B3GLCT: variants seen among roughly 807,000 people sequenced by gnomAD.
B3GLCT encodes the protein beta 3-glucosyltransferase.
Under a neutral mutation model 63.4 loss-of-function variants are expected in B3GLCT, and 65 were observed. The ratio of observed to expected loss-of-function variants is 1.03; its 90% CI spans 0.84 to 1.26. The LOEUF (loss-of-function observed/expected upper bound fraction) is 1.26. Among genes scored for constraint, B3GLCT ranks in the 50% most tolerant of loss-of-function variants. The probability of loss-of-function intolerance (pLI) is 0.00; values close to 1 mark genes in which losing one functional copy is unlikely to be tolerated. For missense variants in B3GLCT, 577 were observed against 604.8 expected (o/e 0.95, Z 0.48); for synonymous variants, 233 against 219.2 (o/e 1.06, Z -0.55).
At chr13:31,274,706 T>A in intron 9 of B3GLCT, 78 bp downstream of exon 9, 1 of 1,557,566 alleles carries the variant, frequency 6.4e-7, no homozygotes, top group Non-Finnish European at 8.8e-7. Context: ...CCTAGCACTT[T>A]AAAATGAATT....
intron 1 of B3GLCT, among the ~76,000 whole-genome samples, chr13:31,201,366 G>A (rs1369249662): frequency 6.6e-6 from 1 of 152,196 alleles, no homozygotes; most frequent in African/African-American, 2.4e-5. Flanking sequence ...AGATTAGTTG[G>A]TAATTGTTTA....
chr13:31,260,196 G>A (rs566616352), intron 6 of B3GLCT, among the ~76,000 whole-genome samples: 40 of 151,992 alleles, frequency 2.6e-4, no homozygotes, highest in Non-Finnish European at 1.5e-4. Context: ...GTCCTTTGAC[G>A]GCTCTTCCTC....
chr13:31,222,043 C>A (rs7991474), intron 2 of B3GLCT, among the ~76,000 whole-genome samples: 26,263 of 151,052 alleles, frequency 0.17, 2,438 homozygotes, highest in Non-Finnish European at 0.19. Context: ...TGGAGCTCTC[C>A]AGCTCTTAAG....
chr13:31,312,920 C>T (rs1216866595), intron 12 of B3GLCT: 1 of 152,196 alleles, frequency 6.6e-6, no homozygotes, highest in East Asian at 1.9e-4. Context: ...CCTAGAGTCA[C>T]TTTGTGTGCC....
chr13:31,290,566 G>A (rs1416091010), intron 12 of B3GLCT, among the ~76,000 whole-genome samples: 1 of 152,196 alleles, frequency 6.6e-6, no homozygotes, highest in East Asian at 1.9e-4. Flanking sequence ...TAACTGGCGT[G>A]AGATGGTATC....
intron 14 of B3GLCT, among the ~76,000 whole-genome samples, chr13:31,324,578 C>T (rs1425836667): frequency 6.6e-6 from 1 of 152,156 alleles, no homozygotes; most frequent in East Asian, 1.9e-4. Flanking sequence ...AGCAGTTGTT[C>T]ACAAACTAAA....
chr13:31,271,503 T>A (rs1872574575), intron 8 of B3GLCT, among the ~76,000 whole-genome samples: 1 of 152,212 alleles, frequency 6.6e-6, no homozygotes, highest in Non-Finnish European at 1.5e-5. Flanking sequence ...TTTTTTTGAC[T>A]ATGACCCACT....
At chr13:31,316,954 A>G (rs1267195116) in intron 12 of B3GLCT, among the ~76,000 whole-genome samples, 1 of 152,176 alleles carries the variant, frequency 6.6e-6, no homozygotes, top group Non-Finnish European at 1.5e-5. Flanking sequence ...AAGGTATTCA[A>G]AAGTATAAGC....
Position 31,212,267 on chromosome 13 carries a change from CTTTT to C in B3GLCT, c.71-2762_71-2759del, listed in dbSNP as rs59719685. ...GACAGGCATGCTCTAGCATAACTGG[CTTTT>C]TTTTTTTTTTTTTTTTTTTTTAAGA... is the stretch of plus-strand genomic sequence containing the variant. On this transcript the variant is annotated intron_variant, in intron 1 of 14. Coordinates refer to ENST00000343307, the MANE Select transcript of B3GLCT (RefSeq NM_194318.4). Among the ~76,000 whole-genome samples, 17 of 91,640 alleles carry C rather than the reference CTTTT, an allele frequency of 1.9e-4. No homozygotes were observed. In the East Asian group the frequency reaches 3.8e-3, roughly 21 times the overall value. 60.1% of individuals were successfully genotyped at this position (91,640 alleles called of 152,430 possible). A position where few individuals can be genotyped will look rare whatever the true frequency, so the allele number is the denominator to read the frequency against.
chr13:31,245,255 G>A (rs1351973996), intron 4 of B3GLCT, among the ~76,000 whole-genome samples: 3 of 152,012 alleles, frequency 2.0e-5, no homozygotes, highest in Non-Finnish European at 2.9e-5. Flanking sequence ...TGAGGTTACC[G>A]TCAAGGTATC....
chr13:31,272,697 C>A (rs1054536284), intron 8 of B3GLCT, among the ~76,000 whole-genome samples: 1 of 152,118 alleles, frequency 6.6e-6, no homozygotes, highest in Non-Finnish European at 1.5e-5. Flanking sequence ...AATTTGAGGG[C>A]CTTAGGATAA....
At position 31,250,735 on chromosome 13, in the gene B3GLCT, C is replaced by A. The variant is rs552601423; in HGVS notation, c.459+2769C>A. Reference sequence around the variant, plus strand: ...AGTCAGAGACTTATAGATAAAACCTCCACCTCCCTGGGACAGAGAACCTGG... The same window carrying A: ...AGTCAGAGACTTATAGATAAAACCTACACCTCCCTGGGACAGAGAACCTGG... On this transcript the variant is annotated intron_variant, in intron 6 of 14. Coordinates refer to ENST00000343307, the MANE Select transcript of B3GLCT (RefSeq NM_194318.4). 1.9e-3 allele frequency among the ~76,000 whole-genome samples: 287 copies of A among 152,336 alleles called. 2 individuals carry two copies. Among genetic ancestry groups the A allele is most frequent in the Non-Finnish European group, 3.0e-3 (203 of 68,026 alleles).
At chr13:31,313,331 C>G (rs1207357267) in intron 12 of B3GLCT, among the ~76,000 whole-genome samples, 2 of 152,312 alleles carry the variant, frequency 1.3e-5, no homozygotes, top group Middle Eastern at 3.4e-3. Flanking sequence ...AAGTTTGGAA[C>G]TTTAGCCTAG....
chr13:31,248,180 G>GA (rs1301825163), intron 6 of B3GLCT, among the ~76,000 whole-genome samples: 1 of 152,116 alleles, frequency 6.6e-6, no homozygotes, highest in Non-Finnish European at 1.5e-5. Context: ...CATTTTAAAT[G>GA]AAAAAAATCT....
At chr13:31,297,587 A>C (rs1320135919) in intron 12 of B3GLCT, among the ~76,000 whole-genome samples, 2 of 152,110 alleles carry the variant, frequency 1.3e-5, no homozygotes. Context: ...TCAGTTCTGC[A>C]GTGGACACCA....
intron 8 of B3GLCT, 112 bp downstream of exon 8, chr13:31,269,389 C>A: frequency 2.8e-6 from 2 of 722,242 alleles, no homozygotes; most frequent in Non-Finnish European, 4.8e-6. Flanking sequence ...CACATCTACT[C>A]CCCACAGAGA....
chr13:31,279,562 A>G (rs973640022), intron 10 of B3GLCT, among the ~76,000 whole-genome samples: 3 of 152,186 alleles, frequency 2.0e-5, no homozygotes, highest in African/African-American at 7.2e-5. Flanking sequence ...TGTGGGTCAC[A>G]GAGATCACTT....
intron 6 of B3GLCT, among the ~76,000 whole-genome samples, chr13:31,256,741 G>A (rs1339125164): frequency 6.6e-6 from 1 of 152,182 alleles, no homozygotes; most frequent in Non-Finnish European, 1.5e-5. Context: ...ATGGACACAG[G>A]GAGGGGAACA....
intron 1 of B3GLCT, among the ~76,000 whole-genome samples, chr13:31,211,668 A>G (rs1367125998): frequency 1.3e-5 from 2 of 151,940 alleles, no homozygotes; most frequent in Non-Finnish European, 2.9e-5. Flanking sequence ...AACTTAGCTC[A>G]GTTAAGCTTT....
Sources: gnomAD v4.1 joint callset for allele counts (sites outside exome capture counted in the v4.1 genomes callset) on GRCh38, gnomAD v4.1.1 for gene constraint, MANE v1.5 for transcripts, NCBI Gene and HGNC (gene_info 2026-07-23, HGNC 2026-07-21) for gene names.